The following CCND3 variants were observed in gnomAD, a reference collection of about 807,000 sequenced individuals.
CCND3 encodes G1/S-specific cyclin-D3.
Under a neutral mutation model 28.7 loss-of-function variants are expected in CCND3, and 9 were observed. That is an observed-to-expected ratio of 0.31 (90% CI 0.19 to 0.55). CCND3 has a LOEUF of 0.55. Among genes scored for constraint, CCND3 ranks in the 20% least tolerant of loss-of-function variants. The probability of loss-of-function intolerance (pLI) is 0.93; values close to 1 mark genes in which losing one functional copy is unlikely to be tolerated. For missense variants in CCND3, 315 were observed against 385.8 expected (o/e 0.82, Z 1.54); for synonymous variants, 164 against 163.9 (o/e 1.00, Z 0.00).
intron 1 of CCND3, among the ~76,000 whole-genome samples, chr6:42,037,162 G>C (rs544472373): frequency 2.6e-5 from 4 of 151,278 alleles, no homozygotes; most frequent in Admixed American, 1.3e-4. Context: ...GGATGGTCTC[G>C]ATCTCCTGAC....
chr6:42,018,766 C>T (rs1163443585), intron 1 of CCND3, among the ~76,000 whole-genome samples: 1 of 151,764 alleles, frequency 6.6e-6, no homozygotes, highest in Admixed American at 6.6e-5. Flanking sequence ...TGGCACATGC[C>T]TGTAATCCCA....
rs1554155181 is a variant in CCND3 at position 41,935,625 on chromosome 6, G to GGC, written c.*313_*314dup. 1 of 469,664 alleles carries GGC rather than the reference G, an allele frequency of 2.1e-6. No individual in the cohort carries two copies. Among genetic ancestry groups the GGC allele is most frequent in the African/African-American group, 1.9e-5 (1 of 51,556 alleles). 29.1% of individuals were successfully genotyped at this position (469,664 alleles called of 1,614,324 possible). On this transcript the variant is annotated 3_prime_UTR_variant, in exon 5 of 5. Transcript: ENST00000372991. ...ATGAGAGCCCCCAGGGGTGGGGGGG[G>GGC]GCGTTCAAAAGGAATGCTGGTGTAT...
At chr6:42,036,306 T>TTATATATATATATATATATATATA (rs566638387) in intron 1 of CCND3, among the ~76,000 whole-genome samples, 10 of 130,676 alleles carry the variant, frequency 7.7e-5, no homozygotes, top group Non-Finnish European at 1.3e-4. Context: ...AAATTATTAT[T>TTATATATATATATATATATATATA]TATATATATA....
Position 41,941,204 on chromosome 6 carries a change from G to C in CCND3, c.198+248C>G. 1 of 1,436,948 alleles carries C rather than the reference G, an allele frequency of 7.0e-7. No individual in the cohort carries two copies. 89.0% of individuals were successfully genotyped at this position (1,436,948 alleles called of 1,614,324 possible). ...GGAGAGAGTGTCCTTGGTCCCGTTT[G>C]CTCGGCCCGAAGAGAGGCACAGTTA... is the stretch of plus-strand genomic sequence containing the variant. On this transcript the variant is annotated intron_variant, in intron 1 of 4. Coordinates refer to ENST00000372991, the MANE Select transcript of CCND3 (RefSeq NM_001760.5). The surrounding 1 kb of genome is among the most constrained non-coding windows in gnomAD (Gnocchi z 6.1).
chr6:42,021,104 T>C (rs6917992), intron 1 of CCND3, among the ~76,000 whole-genome samples: 82,164 of 152,102 alleles, frequency 0.54, 22,357 homozygotes, highest in African/African-American at 0.61. Flanking sequence ...CAAAAAGATA[T>C]TTTGAGAGAG....
Position 41,936,319 on chromosome 6 carries a change from AC to A in CCND3, c.712-213del. On this transcript the variant is annotated intron_variant, in intron 4 of 4. Transcript: ENST00000372991. The surrounding 1 kb of genome is among the most constrained non-coding windows in gnomAD (Gnocchi z 4.4). Reference sequence around the variant, plus strand: ...CCCTGCATCTGACACCAAACCCCCCACCCCCACTCCAGCACACCACTTGGCA... The same window carrying A: ...CCCTGCATCTGACACCAAACCCCCCACCCCACTCCAGCACACCACTTGGCA... 1 of 653,446 alleles carries A rather than the reference AC, an allele frequency of 1.5e-6. No individual in the cohort carries two copies. The highest frequency in any genetic ancestry group is 2.6e-6 in the Non-Finnish European group (1 of 391,020). 40.5% of individuals were successfully genotyped at this position (653,446 alleles called of 1,614,324 possible).
rs73426240 is a variant in CCND3, at chr6:41,966,655, T to C, written c.-45-26070A>G. 9.7e-3 allele frequency among the ~76,000 whole-genome samples: 1,484 copies of C among 152,270 alleles called. 29 individuals carry two copies. The highest frequency in any genetic ancestry group is 0.034 in the African/African-American group (1,420 of 41,526). On this transcript the variant is annotated intron_variant, in intron 1 of 4. Coordinates refer to the CCND3 transcript ENST00000372988. The stretch of plus-strand genomic sequence containing the variant: ...AGTCTATCAGTAAACTGTCTCTTAG[T>C]TAGGCAGGTCTGTCTATCCCATAGC...
rs537903651 is a variant in CCND3 at position 41,940,583 on chromosome 6, T to G, written c.201A>C (p.Val67=). 1.0e-4 allele frequency: 162 copies of G among 1,557,660 alleles called. No homozygotes were observed. The highest frequency in any genetic ancestry group is 2.8e-4 in the South Asian group (25 of 90,260). Residue 67 remains valine, a splice_region_variant and synonymous_variant, in exon 2 of 5, where the codon GTA becomes GTC. Coordinates refer to ENST00000372991, the MANE Select transcript of CCND3 (RefSeq NM_001760.5). ...RKMLAYWMLE[V]CEEQRCEEEV... ...CCTCCTCACAGCGCTGCTCCTCACA[T>G]ACCTGGGGGAGGGCGCACAGTCACT...
chr6:42,000,132 C>G (rs1762946357), intron 1 of CCND3, among the ~76,000 whole-genome samples: 1 of 142,694 alleles, frequency 7.0e-6, no homozygotes, highest in African/African-American at 2.6e-5. Context: ...AAGCAAGTCT[C>G]AAAAACATTT....
intron 1 of CCND3, among the ~76,000 whole-genome samples, chr6:41,996,123 A>ATAAT (rs1554164470): frequency 4.1e-5 from 4 of 97,006 alleles, no homozygotes; most frequent in Non-Finnish European, 5.6e-5. Context: ...ATATATATAT[A>ATAAT]ATATATATAT....
At chr6:42,001,327 T>C (rs1763004953) in intron 1 of CCND3, among the ~76,000 whole-genome samples, 1 of 151,156 alleles carries the variant, frequency 6.6e-6, no homozygotes, top group Non-Finnish European at 1.5e-5. Context: ...ACATAGGTGC[T>C]AATAGTCAAA....
At chr6:41,975,618 G>A (rs1003914851) in intron 1 of CCND3, among the ~76,000 whole-genome samples, 1 of 152,102 alleles carries the variant, frequency 6.6e-6, no homozygotes, top group African/African-American at 2.4e-5. Context: ...GGACTTACTT[G>A]GTGGGTGATG....
intron 1 of CCND3, among the ~76,000 whole-genome samples, chr6:42,038,259 C>G (rs1440530643): frequency 6.6e-6 from 1 of 151,936 alleles, no homozygotes. Flanking sequence ...TATATTAGGG[C>G]AGGGTGCAGT....
At chr6:41,977,297 C>A (rs1762212197) in intron 1 of CCND3, among the ~76,000 whole-genome samples, 1 of 152,176 alleles carries the variant, frequency 6.6e-6, no homozygotes, top group Non-Finnish European at 1.5e-5. Flanking sequence ...TCTATATATA[C>A]TGCATTTCAT....
At chr6:42,034,776 C>G (rs1001502701) in intron 1 of CCND3, among the ~76,000 whole-genome samples, 7 of 152,154 alleles carry the variant, frequency 4.6e-5, no homozygotes, top group Non-Finnish European at 1.0e-4. Flanking sequence ...TTGCGCCTGG[C>G]CGACTCTGTC....
intron 1 of CCND3, among the ~76,000 whole-genome samples, chr6:42,027,256 G>A (rs938563459): frequency 2.6e-5 from 4 of 152,134 alleles, no homozygotes; most frequent in South Asian, 2.1e-4. Context: ...TGGCTAACAC[G>A]GTGAAACCCC....
chr6:41,976,453 G>A (rs1253514370), intron 1 of CCND3, among the ~76,000 whole-genome samples: 1 of 151,972 alleles, frequency 6.6e-6, no homozygotes, highest in East Asian at 1.9e-4. Context: ...GGAGTGTGTT[G>A]CAAGCCTGTG....
Position 41,935,894 on chromosome 6 carries a change from CG to C in CCND3, c.*45del. ...CTGGAGGCAGGGAGGTGGGTGGCAG[CG>C]GCCCCTCCTCTGCTTAGTGGCCACT... On this transcript the variant is annotated 3_prime_UTR_variant, in exon 5 of 5. Coordinates refer to ENST00000372991, the MANE Select transcript of CCND3 (RefSeq NM_001760.5). 6.5e-7 allele frequency: 1 copy of C among 1,534,958 alleles called. No homozygotes were observed. Among genetic ancestry groups the C allele is most frequent in the Non-Finnish European group, 8.9e-7 (1 of 1,125,264 alleles).
upstream of CCND3, among the ~76,000 whole-genome samples, chr6:41,945,608 C>T (rs1392569751): frequency 6.6e-6 from 1 of 152,158 alleles, no homozygotes; most frequent in African/African-American, 2.4e-5. Context: ...GGCTTAGTTA[C>T]CTTCAGACCC....
Sources: allele counts gnomAD v4.1 joint callset (sites outside exome capture counted in the v4.1 genomes callset), GRCh38; gene constraint gnomAD v4.1.1; non-coding constraint Gnocchi (gnomAD v3.1); transcripts MANE v1.5; gene names NCBI Gene and HGNC (gene_info 2026-07-23, HGNC 2026-07-21).